The following METTL8 variants were observed in gnomAD, a reference collection of about 807,000 sequenced individuals.
METTL8 encodes the protein methyltransferase 8, tRNA N3-cytidine.
In METTL8, 32 loss-of-function variants were observed where a neutral mutation model predicts 48.7. The observed-to-expected ratio is 0.66, with a 90% CI of 0.50 to 0.88. METTL8 has a LOEUF of 0.88. METTL8 is among the 40% of genes least tolerant of loss of function. METTL8 has a pLI of 0.00. For synonymous variants in METTL8, 136 were observed against 157.1 expected (o/e 0.87, Z 1.01); for missense variants, 464 against 474.4 (o/e 0.98, Z 0.20).
chr2:171,392,324 G>A (rs1470040089), intron 1 of METTL8, 127 bp from the exon 2 acceptor site: 2 of 686,832 alleles, frequency 2.9e-6, no homozygotes, highest in African/African-American at 3.6e-5. Context: ...ACTTTTTAAT[G>A]AAAGATGAGC....
chr2:171,353,555 G>C (rs916105748), intron 3 of METTL8, among the ~76,000 whole-genome samples: 1 of 152,178 alleles, frequency 6.6e-6, no homozygotes, highest in Non-Finnish European at 1.5e-5. Flanking sequence ...TCTGTCTAAT[G>C]TTGACAGTGG....
intron 2 of METTL8, 134 bp from the exon 3 acceptor site, chr2:171,360,647 A>G (rs1685066912): frequency 2.8e-6 from 2 of 707,690 alleles, no homozygotes; most frequent in Non-Finnish European, 4.6e-6. Context: ...TGGAATGAAT[A>G]CATTTTGTGT....
chr2:171,346,452 C>T (rs1465275010), intron 3 of METTL8, among the ~76,000 whole-genome samples: 1 of 152,084 alleles, frequency 6.6e-6, no homozygotes, highest in African/African-American at 2.4e-5. Flanking sequence ...CAGTTCTCAC[C>T]AACAGCTGAG....
chr2:171,425,496 G>A (rs983188347), intron 1 of METTL8, among the ~76,000 whole-genome samples: 2 of 152,162 alleles, frequency 1.3e-5, no homozygotes, highest in African/African-American at 4.8e-5. Context: ...GAAGCAGACT[G>A]CCAGGTTGTG....
intron 1 of METTL8, among the ~76,000 whole-genome samples, chr2:171,424,527 G>A (rs577943538): frequency 7.6e-4 from 115 of 152,092 alleles, no homozygotes; most frequent in Non-Finnish European, 1.5e-3. Flanking sequence ...CCCTGGATAT[G>A]AGACATGGAG....
chr2:171,422,672 A>C (rs1049070789), intron 1 of METTL8, among the ~76,000 whole-genome samples: 2 of 152,246 alleles, frequency 1.3e-5, no homozygotes, highest in African/African-American at 4.8e-5. Context: ...CAGGCTTTGC[A>C]CAAGAATGAA....
intron 3 of METTL8, among the ~76,000 whole-genome samples, chr2:171,354,093 G>C: frequency 6.6e-6 from 1 of 152,154 alleles, no homozygotes. Flanking sequence ...TCAATGGCTG[G>C]TACCGGTTGT....
intron 2 of METTL8, among the ~76,000 whole-genome samples, chr2:171,371,320 T>C (rs576364174): frequency 1.4e-4 from 22 of 152,116 alleles, no homozygotes; most frequent in Non-Finnish European, 2.6e-4. Flanking sequence ...TGGTTACTGT[T>C]ATTAGTAAAT....
chr2:171,377,362 A>G (rs71415243), intron 2 of METTL8, among the ~76,000 whole-genome samples: 1 of 152,014 alleles, frequency 6.6e-6, no homozygotes, highest in East Asian at 1.9e-4. Context: ...AAAAATAAAT[A>G]TAACAAAAAC....
At chr2:171,394,165 C>T (rs942699386) in intron 1 of METTL8, among the ~76,000 whole-genome samples, 4 of 152,170 alleles carry the variant, frequency 2.6e-5, no homozygotes, top group African/African-American at 9.7e-5. Flanking sequence ...CTATAAAACC[C>T]TACCTGCAAA....
intron 2 of METTL8, among the ~76,000 whole-genome samples, chr2:171,376,042 G>A (rs1399042020): frequency 1.3e-5 from 2 of 152,106 alleles, no homozygotes; most frequent in Non-Finnish European, 2.9e-5. Flanking sequence ...GCCTTTATGA[G>A]GGTCTGGGTC....
intron 5 of METTL8, chr2:171,332,289 CT>C (rs199971152): frequency 1.9e-4 from 29 of 153,948 alleles, no homozygotes; most frequent in South Asian, 5.8e-4. Flanking sequence ...CGCCCCTCAG[CT>C]TTTTTTTTGA....
intron 7 of METTL8, among the ~76,000 whole-genome samples, chr2:171,327,654 A>AAAT (rs1459976797): frequency 7.9e-5 from 12 of 152,232 alleles, no homozygotes; most frequent in Non-Finnish European, 1.5e-4. Flanking sequence ...AAGCAACTAT[A>AAAT]AAACAAGAAA....
At chr2:171,425,474 A>G (rs1692310148) in intron 1 of METTL8, among the ~76,000 whole-genome samples, 1 of 152,140 alleles carries the variant, frequency 6.6e-6, no homozygotes, top group African/African-American at 2.4e-5. Context: ...ACATTCTCCT[A>G]TTTGCTTTGA....
chr2:171,392,048 G>C lies in METTL8; in HGVS notation c.138C>G (p.Asn46Lys), dbSNP rs1574105160. ...GATTTAAAAAGAAAACTCACCACAT[G>C]TTGTGTTCAAAAACTTTGGCTGGGT... The part of the protein sequence containing the change: ...LTDPAKVFEH[N>K]MWDHMQWSKE... The change falls in exon 2 of 10, where the codon AAC (asparagine) becomes AAG (lysine). Residue 46 changes from asparagine to lysine, a missense_variant. Physicochemically the swap from Asn to Lys is moderately conservative, Grantham distance 94. Coordinates refer to ENST00000375258, the MANE Select transcript of METTL8 (RefSeq NM_001321154.2). 6.4e-7 allele frequency: 1 copy of C among 1,551,124 alleles called. No homozygotes were observed. The highest frequency in any genetic ancestry group is 8.7e-7 in the Non-Finnish European group (1 of 1,146,818).
At chr2:171,342,286 A>G (rs943753241) in intron 3 of METTL8, among the ~76,000 whole-genome samples, 3 of 152,240 alleles carry the variant, frequency 2.0e-5, no homozygotes, top group African/African-American at 7.2e-5. Flanking sequence ...TGAAACTCCC[A>G]TCTGTATTTA....
intron 3 of METTL8, among the ~76,000 whole-genome samples, chr2:171,341,845 AC>A (rs1686808838): frequency 6.6e-6 from 1 of 151,676 alleles, no homozygotes; most frequent in Non-Finnish European, 1.5e-5. Flanking sequence ...ACACACACAC[AC>A]ACACACACAC....
intron 1 of METTL8, among the ~76,000 whole-genome samples, chr2:171,413,387 T>A (rs775552339): frequency 9.9e-5 from 15 of 152,254 alleles, no homozygotes; most frequent in Admixed American, 2.0e-4. Context: ...GAAACAGATA[T>A]AAGAATCCAG....
chr2:171,376,791 G>A (rs1406352819), intron 2 of METTL8, among the ~76,000 whole-genome samples: 1 of 152,072 alleles, frequency 6.6e-6, no homozygotes, highest in Non-Finnish European at 1.5e-5. Context: ...GCAATCTATA[G>A]ATTCAATGCA....
Sources: allele counts gnomAD v4.1 joint callset (sites outside exome capture counted in the v4.1 genomes callset), GRCh38; gene constraint gnomAD v4.1.1; transcripts MANE v1.5; gene names NCBI Gene and HGNC (gene_info 2026-07-23, HGNC 2026-07-21).